PRSS37: variants seen among roughly 807,000 people sequenced by gnomAD.
The protein encoded by PRSS37 is probable inactive serine protease 37.
A neutral mutation model predicts 28.0 loss-of-function variants in PRSS37; 25 were observed. The observed-to-expected ratio is 0.89, with a 90% CI of 0.65 to 1.25. The LOEUF is 1.25. Among genes scored for constraint, PRSS37 ranks in the 50% most tolerant of loss-of-function variants. The pLI, the probability that PRSS37 is intolerant of heterozygous loss-of-function variation, is 0.00. For missense variants in PRSS37, 282 were observed against 292.2 expected (o/e 0.97, Z 0.25); for synonymous variants, 109 against 107.8 (o/e 1.01, Z -0.07).
rs776624660 is a variant in PRSS37 at position 141,836,513 on chromosome 7, A to G, written c.590T>C (p.Ile197Thr). 1 of 1,614,090 alleles carries G rather than the reference A, an allele frequency of 6.2e-7. No individual in the cohort carries two copies. Among genetic ancestry groups the G allele is most frequent in the Admixed American group, 1.7e-5 (1 of 60,002 alleles). Residue 197 changes from isoleucine (I) to threonine (T), a missense_variant, in exon 5 of 5, where the codon ATC (isoleucine) becomes ACC (threonine). Physicochemically the swap from Ile to Thr is moderately conservative, Grantham distance 89. Transcript: ENST00000350549. ...IFGEVAVATV[I>T]CKDKLQGIEV... ...GATTCCCTGGAGCTTGTCTTTGCAGATGACAGTAGCAACGGCCACCTCCTA... is the reference window on the plus strand; with the variant it reads ...GATTCCCTGGAGCTTGTCTTTGCAGGTGACAGTAGCAACGGCCACCTCCTA...
chr7:141,840,463 C>G (rs1203047877), intron 1 of PRSS37, among the ~76,000 whole-genome samples: 3 of 152,188 alleles, frequency 2.0e-5, no homozygotes, highest in African/African-American at 7.2e-5. Flanking sequence ...ACATTGAGCT[C>G]TCTATAGCAG....
chr7:141,836,359 G>A lies in PRSS37; in HGVS notation c.*36C>T, dbSNP rs777364517. The stretch of plus-strand genomic sequence containing the variant: ...AAATTATCTGCTTGTATAGTCCATG[G>A]CAGAGCCAGTGGAATGCAGAGGGAG... On this transcript the variant is annotated 3_prime_UTR_variant, in exon 5 of 5. Transcript: ENST00000350549. The A allele has an allele frequency of 1.2e-6, 2 of 1,609,420 alleles. No homozygotes were observed. The highest frequency in any genetic ancestry group is 8.5e-7 in the Non-Finnish European group (1 of 1,176,314).
chr7:141,838,227 T>C (rs1474990930), intron 2 of PRSS37, 114 bp from the exon 3 acceptor site: 6 of 1,530,424 alleles, frequency 3.9e-6, no homozygotes, highest in African/African-American at 2.7e-5. Flanking sequence ...ATTATGTCAT[T>C]TAACTCACAA....
intron 2 of PRSS37, chr7:141,838,774 C>T: frequency 3.1e-6 from 1 of 318,736 alleles, no homozygotes; most frequent in Non-Finnish European, 6.1e-6. Flanking sequence ...TTTTCTCTAT[C>T]TCTCCTTGCC....
Position 141,837,241 on chromosome 7 carries a change from G to A in PRSS37, c.438C>T (p.His146=). The A allele has an allele frequency of 1.2e-6, 2 of 1,602,636 alleles. No homozygotes were observed. Among genetic ancestry groups the A allele is most frequent in the Non-Finnish European group, 1.7e-6 (2 of 1,176,026 alleles). ...LDWSQENSGR[H]PDLRQNLEAP... ...CCTCCAGGTTCTGCCGCAAGTCAGG[G>A]TGTCGGCCTGAGGGAGACGGGGATA... Residue 146 remains histidine (H), a synonymous_variant, in exon 4 of 5, where the codon CAC becomes CAT. Transcript: ENST00000350549.
intron 4 of PRSS37, 26 bp downstream of exon 4, chr7:141,837,086 A>G (rs1800984155): frequency 1.9e-6 from 3 of 1,607,678 alleles, no homozygotes; most frequent in Non-Finnish European, 2.5e-6. Context: ...CAAGTAAATG[A>G]AAGCTGAATA....
rs113661971 is a variant in PRSS37 at position 141,840,773 on chromosome 7, A to G, written c.34+243T>C. On this transcript the variant is annotated intron_variant, in intron 1 of 4. Transcript: ENST00000350549. ...TCTGCATTAGTGTCGGTGGGAGGAC[A>G]CTCACTGTTAAGCCTTCTCCAAGGC... Among the ~76,000 whole-genome samples, 197 of 152,166 alleles carry G rather than the reference A, an allele frequency of 1.3e-3. 1 individual carries two copies. Among genetic ancestry groups the G allele is most frequent in the African/African-American group, 4.7e-3 (193 of 41,496 alleles).
At chr7:141,836,291 A>G (rs1472169448), downstream of PRSS37, 3 of 1,277,446 alleles carry the variant, frequency 2.3e-6, no homozygotes, top group African/African-American at 3.0e-5. Context: ...AGTATGCTAC[A>G]TTCCCAAATT....
Position 141,836,396 on chromosome 7 carries a change from C to T in PRSS37, c.707G>A (p.Ter236=). 6.2e-7 allele frequency: 1 copy of T among 1,614,000 alleles called. No homozygotes were observed. Among genetic ancestry groups the T allele is most frequent in the Non-Finnish European group, 8.5e-7 (1 of 1,179,898 alleles). ...GAATGCAGAGGGAGAAGTAGGGTCT[C>T]ACTTGTCCTTAGCAGTGTTCTCAAT... ...SWIENTAKDK[*] Residue 236 remains the stop codon, a stop_retained_variant, in exon 5 of 5, where the codon TGA becomes TAA. Coordinates refer to ENST00000350549, the MANE Select transcript of PRSS37 (RefSeq NM_001008270.3).
Position 141,837,903 on chromosome 7 carries a change from A to C in PRSS37, c.387T>G (p.Thr129=), listed in dbSNP as rs1300031525. ...TLATTNVRPG[T]VCLLSGLDWS... is the part of the protein sequence containing the mutation. ...AGTCCAAACCTGAGAGTAGACAGAC[A>C]GTGCCTGGCCTGACATTGGTGGTGG... is the stretch of plus-strand genomic sequence containing the variant. The change falls in exon 3 of 5, where the codon ACT becomes ACG. Residue 129 remains threonine (T), a synonymous_variant. Coordinates refer to ENST00000350549, the MANE Select transcript of PRSS37 (RefSeq NM_001008270.3). The C allele has an allele frequency of 4.3e-6, 7 of 1,614,020 alleles. No individual in the cohort carries two copies. In the East Asian group the frequency reaches 1.6e-4, roughly 36 times the overall value.
In PRSS37 at chr7:141,837,940, G is replaced by T. The variant is rs759408682; in HGVS notation, c.350C>A (p.Pro117His). ...GACATTGGTGGTGGCGAGGGTAAGG[G>T]GCTGGACTTTGGGATTGAGCATGGC... ...KPAMLNPKVQ[P>H]LTLATTNVRP... The change falls in exon 3 of 5, where the codon CCC (proline) becomes CAC (histidine). Residue 117 changes from proline to histidine, a missense_variant. Pro to His is a moderately conservative substitution (Grantham distance 77, BLOSUM62 -2). Coordinates refer to ENST00000350549, the MANE Select transcript of PRSS37 (RefSeq NM_001008270.3). 2.3e-5 allele frequency: 37 copies of T among 1,613,998 alleles called. No individual in the cohort carries two copies. The highest frequency in any genetic ancestry group is 3.1e-5 in the Non-Finnish European group (37 of 1,180,040).
At position 141,837,122 on chromosome 7, in the gene PRSS37, C is replaced by T. The variant is rs766210306; in HGVS notation, c.557G>A (p.Arg186Gln). 1.5e-5 allele frequency: 24 copies of T among 1,611,776 alleles called. No individual in the cohort carries two copies. Among genetic ancestry groups the T allele is most frequent in the Middle Eastern group, 1.6e-4 (1 of 6,078 alleles). ...TAGAGATAAGATTACCCCAAAAATT[C>T]GGCTGAATACTTTCACAAATTTCAC... ...LCVKFVKVFS[R>Q]IFGEVAVATV... The change falls in exon 4 of 5, where the codon CGA (arginine) becomes CAA (glutamine). Residue 186 changes from arginine to glutamine, a missense_variant. Physicochemically the swap from Arg to Gln is conservative, Grantham distance 43. Transcript: ENST00000350549.
In PRSS37 at chr7:141,841,179, G is replaced by A; in HGVS notation, c.-130C>T. ...TGGTTAGATACGGAGGCACTCCATG[G>A]GATTGGAAAGCAGCTCTGGGCATAA... On this transcript the variant is annotated 5_prime_UTR_variant, in exon 1 of 5. Coordinates refer to ENST00000350549, the MANE Select transcript of PRSS37 (RefSeq NM_001008270.3). The A allele has an allele frequency of 1.3e-6, 2 of 1,526,860 alleles. No homozygotes were observed. The highest frequency in any genetic ancestry group is 1.8e-6 in the Non-Finnish European group (2 of 1,133,156). 94.6% of individuals were successfully genotyped at this position (1,526,860 alleles called of 1,614,324 possible). A position where few individuals can be genotyped will look rare whatever the true frequency, so the allele number is the denominator to read the frequency against.
At chr7:141,840,357 C>T (rs1228633594) in intron 1 of PRSS37, among the ~76,000 whole-genome samples, 2 of 152,118 alleles carry the variant, frequency 1.3e-5, no homozygotes, top group East Asian at 3.8e-4. Flanking sequence ...GTTAACCTTC[C>T]CCAAGACTGG....
At position 141,836,521 on chromosome 7, in the gene PRSS37, A is replaced by G. The variant is rs1800962015; in HGVS notation, c.582T>C (p.Ala194=). ...FSRIFGEVAV[A]TVICKDKLQG... is the part of the protein sequence containing the mutation. ...GGAGCTTGTCTTTGCAGATGACAGTAGCAACGGCCACCTCCTACCGGAGAT... is the reference window on the plus strand; with the variant it reads ...GGAGCTTGTCTTTGCAGATGACAGTGGCAACGGCCACCTCCTACCGGAGAT... The change falls in exon 5 of 5, where the codon GCT becomes GCC. Residue 194 remains alanine (A), a synonymous_variant. Transcript: ENST00000350549. 1 of 1,614,134 alleles carries G rather than the reference A, an allele frequency of 6.2e-7. No individual in the cohort carries two copies. The highest frequency in any genetic ancestry group is 2.2e-5 in the East Asian group (1 of 44,878).
rs1801143365 is a variant in PRSS37 at position 141,841,314 on chromosome 7, A to C, written c.-265T>G. On this transcript the variant is annotated 5_prime_UTR_variant, in exon 1 of 5. Transcript: ENST00000350549. ...TTCAGGGAAGGAAACTCCTGGATTC[A>C]GCTCCTTCTATCTGCTGCCCCTAAA... The C allele has an allele frequency of 5.6e-6, 3 of 532,612 alleles. No homozygotes were observed. In the South Asian group the frequency reaches 6.5e-5, roughly 11 times the overall value. The allele number at this position is 532,612 out of a possible 1,614,324, so 33.0% of individuals were successfully genotyped here.
At chr7:141,837,660 C>T in intron 3 of PRSS37, 200 bp downstream of exon 3, 1 of 1,528,084 alleles carries the variant, frequency 6.5e-7, no homozygotes, top group Non-Finnish European at 8.8e-7. Context: ...CCTGCAGAGG[C>T]AGTGGGATAT....
intron 4 of PRSS37, 38 bp from the exon 5 acceptor site, chr7:141,836,573 GT>G: frequency 6.3e-7 from 1 of 1,599,990 alleles, no homozygotes; most frequent in Non-Finnish European, 8.5e-7. Flanking sequence ...GAGAGAGAGA[GT>G]AAGAGTGTCA....
intron 1 of PRSS37, 47 bp downstream of exon 1, chr7:141,840,967 CCA>C (rs1189727320): frequency 3.8e-6 from 6 of 1,580,420 alleles, no homozygotes; most frequent in Non-Finnish European, 5.2e-6. Flanking sequence ...CTCACCCCAT[CCA>C]TTAAACTGTG....
Sources: gnomAD v4.1 joint callset for allele counts (sites outside exome capture counted in the v4.1 genomes callset) on GRCh38, gnomAD v4.1.1 for gene constraint, MANE v1.5 for transcripts, NCBI Gene and HGNC (gene_info 2026-07-23, HGNC 2026-07-21) for gene names.